Variants in DTL observed in about 807,000 individuals in gnomAD.
DTL encodes denticleless E3 ubiquitin protein ligase adapter, also known as denticleless protein homolog.
DTL carries 46 observed loss-of-function variants against 87.0 expected under a neutral mutation model. That is an observed-to-expected ratio of 0.53 (90% CI 0.42 to 0.68). The LOEUF is 0.68. Ranked by LOEUF, DTL falls within the 30% of genes least tolerant of loss-of-function variation. The pLI is 0.00. For synonymous variants in DTL, 308 were observed against 311.2 expected, an observed-to-expected ratio of 0.99 and a Z score of 0.11; for missense variants, 737 against 869.4, an observed-to-expected ratio of 0.85 and a Z score of 1.91.
chr1:212,102,745 A>G, intron 14 of DTL, 97 bp from the exon 15 acceptor site: 1 of 805,290 alleles, frequency 1.2e-6, no homozygotes, highest in Non-Finnish European at 2.0e-6. Flanking sequence ...CTAAACAATG[A>G]AATTTCTGGC....
chr1:212,091,714 A>G (rs557553447), intron 13 of DTL, among the ~76,000 whole-genome samples: 1 of 152,356 alleles, frequency 6.6e-6, no homozygotes, highest in African/African-American at 2.4e-5. Context: ...GCATGATCTC[A>G]CTTGTGGAAT....
At chr1:212,053,446 G>A (rs1166618988) in intron 5 of DTL, among the ~76,000 whole-genome samples, 2 of 152,196 alleles carry the variant, frequency 1.3e-5, no homozygotes, top group Non-Finnish European at 2.9e-5. Flanking sequence ...GTCAACCCCA[G>A]CCTCCCAAAA....
rs1655682209 is a variant in DTL, at chr1:212,103,390, G to A, written c.*450G>A. ...TGCTGAAGACCCCTGGTTCTGTTCTGCCTCCAACATGTATAATTTTATTTG... is the reference window on the plus strand; with the variant it reads ...TGCTGAAGACCCCTGGTTCTGTTCTACCTCCAACATGTATAATTTTATTTG... On this transcript the variant is annotated 3_prime_UTR_variant, in exon 15 of 15. Transcript: ENST00000366991. The A allele has an allele frequency of 6.6e-6, 1 of 152,386 alleles. No homozygotes were observed. The highest frequency in any genetic ancestry group is 1.5e-5 in the Non-Finnish European group (1 of 68,228). 9.4% of individuals were successfully genotyped at this position (152,386 alleles called of 1,614,324 possible).
chr1:212,086,100 GTC>G (rs748559959), intron 13 of DTL, among the ~76,000 whole-genome samples: 17 of 152,066 alleles, frequency 1.1e-4, no homozygotes, highest in East Asian at 3.8e-4. Context: ...ACTGTTCTGG[GTC>G]TCTTTTATAC....
At chr1:212,099,169 A>T (rs1271546432) in intron 13 of DTL, among the ~76,000 whole-genome samples, 1 of 152,072 alleles carries the variant, frequency 6.6e-6, no homozygotes, top group East Asian at 1.9e-4. Context: ...CATGATCTGG[A>T]TCCTCAGTGA....
Position 212,104,251 on chromosome 1 carries a change from G to GTAGACTTTATGTCAGTTCTGTA in DTL, c.*1328_*1329insCTGTATAGACTTTATGTCAGTT, listed in dbSNP as rs1327063917. The GTAGACTTTATGTCAGTTCTGTA allele has an allele frequency of 6.6e-6, 1 of 152,240 alleles. No homozygotes were observed. Among genetic ancestry groups the GTAGACTTTATGTCAGTTCTGTA allele is most frequent in the Admixed American group, 6.5e-5 (1 of 15,286 alleles). The allele number at this position is 152,240 out of a possible 1,614,324, so 9.4% of individuals were successfully genotyped here. On this transcript the variant is annotated 3_prime_UTR_variant, in exon 15 of 15. Coordinates refer to ENST00000366991, the MANE Select transcript of DTL (RefSeq NM_016448.4). ...TTTTATCCATATCCCTGAGGACTGTGTAGACTTTATGTCAGTTTTTGTCAT... is the reference window on the plus strand; with the variant it reads ...TTTTATCCATATCCCTGAGGACTGTGTAGACTTTATGTCAGTTCTGTATAGACTTTATGTCAGTTTTTGTCAT...
intron 10 of DTL, among the ~76,000 whole-genome samples, chr1:212,071,590 A>AT (rs149754045): frequency 0.029 from 4,390 of 150,642 alleles, 87 homozygotes; most frequent in Non-Finnish European, 0.042. Context: ...CTTTTCACTG[A>AT]TTTTTTTTTT....
intron 13 of DTL, among the ~76,000 whole-genome samples, chr1:212,094,721 A>C (rs1655392167): frequency 6.6e-6 from 1 of 152,094 alleles, no homozygotes; most frequent in South Asian, 2.1e-4. Flanking sequence ...CATTGATTCT[A>C]CCCATCCTTG....
chr1:212,076,772 A>G (rs1384313127), intron 11 of DTL, among the ~76,000 whole-genome samples: 1 of 152,182 alleles, frequency 6.6e-6, no homozygotes, highest in African/African-American at 2.4e-5. Flanking sequence ...GTTAGAGACG[A>G]TCTTCAAAGT....
chr1:212,037,750 G>T (rs996100840), intron 1 of DTL, among the ~76,000 whole-genome samples: 1 of 152,176 alleles, frequency 6.6e-6, no homozygotes, highest in African/African-American at 2.4e-5. Flanking sequence ...GAGTGACCTC[G>T]GTCATAGTGG....
intron 13 of DTL, among the ~76,000 whole-genome samples, chr1:212,092,917 A>G (rs1382836581): frequency 1.3e-5 from 2 of 151,876 alleles, no homozygotes; most frequent in East Asian, 1.9e-4. Context: ...CACCACATCC[A>G]CCCCAATGAT....
chr1:212,049,111 CAG>C (rs1260760706), intron 5 of DTL, among the ~76,000 whole-genome samples: 2 of 152,106 alleles, frequency 1.3e-5, no homozygotes, highest in African/African-American at 4.8e-5. Context: ...TTAGTAGAGA[CAG>C]GGTTTCGCCA....
intron 5 of DTL, among the ~76,000 whole-genome samples, chr1:212,047,660 G>A (rs369178996): frequency 1.2e-4 from 19 of 152,110 alleles, no homozygotes; most frequent in Non-Finnish European, 2.1e-4. Context: ...GTCAGCCTCC[G>A]GAGTAGCTGG....
chr1:212,048,902 TTTTGTTTGTTTGTTTGTTTGTTTG>T (rs142929243), intron 5 of DTL, among the ~76,000 whole-genome samples: 1 of 150,422 alleles, frequency 6.6e-6, no homozygotes, highest in Non-Finnish European at 1.5e-5. Context: ...TGGACTGGTT[TTTTGTTTGTTTGTTTGTTTGTTTG>T]TTTGTTTGTT....
At chr1:212,088,190 G>A (rs1655184607) in intron 13 of DTL, among the ~76,000 whole-genome samples, 1 of 152,160 alleles carries the variant, frequency 6.6e-6, no homozygotes, top group Non-Finnish European at 1.5e-5. Context: ...GCATTATTGA[G>A]TGATAAAGTT....
At chr1:212,043,389 A>G (rs1667710268) in intron 2 of DTL, among the ~76,000 whole-genome samples, 1 of 152,234 alleles carries the variant, frequency 6.6e-6, no homozygotes, top group Admixed American at 6.5e-5. Context: ...AGGTTCAGCT[A>G]CTATGAAAAC....
intron 1 of DTL, among the ~76,000 whole-genome samples, chr1:212,037,805 G>A (rs1391877361): frequency 6.6e-6 from 1 of 152,148 alleles, no homozygotes; most frequent in Non-Finnish European, 1.5e-5. Context: ...GTGAAAATTG[G>A]AAGGAGCACC....
At chr1:212,043,307 C>G (rs557019045) in intron 2 of DTL, among the ~76,000 whole-genome samples, 189 bp downstream of exon 2, 2 of 152,168 alleles carry the variant, frequency 1.3e-5, no homozygotes, top group African/African-American at 4.8e-5. Context: ...ATTAGCATAA[C>G]TATATTTCCT....
intron 13 of DTL, among the ~76,000 whole-genome samples, chr1:212,081,396 G>A (rs1445251239): frequency 6.6e-6 from 1 of 152,226 alleles, no homozygotes; most frequent in Non-Finnish European, 1.5e-5. Context: ...AGCAGGCAAA[G>A]GAAAGGGAGG....
Sources: allele counts gnomAD v4.1 joint callset (sites outside exome capture counted in the v4.1 genomes callset), GRCh38; gene constraint gnomAD v4.1.1; transcripts MANE v1.5; gene names NCBI Gene and HGNC (gene_info 2026-07-23, HGNC 2026-07-21).